ZNF875: variants seen among roughly 807,000 people sequenced by gnomAD.
ZNF875 encodes the protein HKR1, GLI-Kruppel zinc finger family member.
Under a neutral mutation model 11.2 loss-of-function variants are expected in ZNF875, and 14 were observed. That is an observed-to-expected ratio of 1.26 (90% CI 0.83 to 1.96). The LOEUF (loss-of-function observed/expected upper bound fraction) is 1.96, where lower values mean the gene tolerates loss of function less well. Ranked by LOEUF, ZNF875 falls within the 30% of genes most tolerant of loss-of-function variation. The probability of loss-of-function intolerance (pLI) is 0.00; values close to 1 mark genes in which losing one functional copy is unlikely to be tolerated. For synonymous variants in ZNF875, 301 were observed against 281.1 expected (o/e 1.07, Z -0.71); for missense variants, 752 against 760.4 (o/e 0.99, Z 0.13).
chr19:37,351,923 G>A (rs963796850), intron 4 of ZNF875, among the ~76,000 whole-genome samples: 1 of 152,158 alleles, frequency 6.6e-6, no homozygotes, highest in African/African-American at 2.4e-5. Context: ...ATGTCAGATA[G>A]GTCATATTGG....
At chr19:37,328,565 CT>C in intron 4 of ZNF875, 1 of 152,258 alleles carries the variant, frequency 6.6e-6, no homozygotes, top group Non-Finnish European at 1.5e-5. Context: ...CTCTCTTGCC[CT>C]TTTACCTTCC....
chr19:37,339,951 C>G (rs1167394649), intron 2 of ZNF875, among the ~76,000 whole-genome samples: 2 of 151,912 alleles, frequency 1.3e-5, no homozygotes, highest in African/African-American at 2.4e-5. Context: ...TTTCTTTATA[C>G]TGTGCAATTT....
chr19:37,339,365 C>T (rs986698295), intron 2 of ZNF875, among the ~76,000 whole-genome samples: 17 of 151,814 alleles, frequency 1.1e-4, no homozygotes, highest in Admixed American at 4.6e-4. Context: ...CCATTGTTTC[C>T]CAATTTTTGG....
chr19:37,332,248 G>A (rs1188270264), upstream of ZNF875, among the ~76,000 whole-genome samples: 14 of 149,036 alleles, frequency 9.4e-5, no homozygotes, highest in African/African-American at 3.0e-4. Context: ...TATGCTGAAC[G>A]CTGGTTCCCC....
At chr19:37,358,210 T>A (rs1465265331) in intron 4 of ZNF875, among the ~76,000 whole-genome samples, 1 of 145,098 alleles carries the variant, frequency 6.9e-6, no homozygotes, top group Admixed American at 7.1e-5. Context: ...AGTGGCGCGA[T>A]CTCGGCTCAC....
chr19:37,353,478 ATG>A (rs1403969838), intron 4 of ZNF875, among the ~76,000 whole-genome samples: 3 of 152,178 alleles, frequency 2.0e-5, no homozygotes, highest in African/African-American at 4.8e-5. Context: ...ATGTAGAAAT[ATG>A]TGTGTGTGCT....
chr19:37,346,002 G>A (rs1157431050), intron 2 of ZNF875, among the ~76,000 whole-genome samples: 2 of 152,182 alleles, frequency 1.3e-5, no homozygotes, highest in East Asian at 3.8e-4. Flanking sequence ...ATATTTGACT[G>A]CTAAGTGTTT....
intron 4 of ZNF875, among the ~76,000 whole-genome samples, chr19:37,355,752 CTCTG>C (rs1329245462): frequency 3.9e-5 from 6 of 152,124 alleles, no homozygotes; most frequent in Non-Finnish European, 7.4e-5. Context: ...AATAATCTTT[CTCTG>C]TCTTTTATAA....
intron 4 of ZNF875, among the ~76,000 whole-genome samples, chr19:37,361,557 C>G (rs1438231285): frequency 2.6e-5 from 4 of 152,010 alleles, no homozygotes; most frequent in African/African-American, 9.7e-5. Flanking sequence ...TTTTAGCTGG[C>G]AGGCCATACA....
Position 37,347,789 on chromosome 19 carries a change from C to T in ZNF875, c.173C>T (p.Ser58Phe). The T allele has an allele frequency of 6.2e-7, 1 of 1,612,372 alleles. No individual in the cohort carries two copies. The highest frequency in any genetic ancestry group is 2.2e-5 in the East Asian group (1 of 44,868). Reference protein sequence around the residue: ...NHLVSLEIPSSKPKLIAQLER... With the variant: ...NHLVSLEIPSFKPKLIAQLER... Reference sequence around the variant, plus strand: ...TCCCTATGAACAGAAATTCCATCTTCTAAACCAAAACTCATTGCTCAGCTG... The same window carrying T: ...TCCCTATGAACAGAAATTCCATCTTTTAAACCAAAACTCATTGCTCAGCTG... Residue 58 changes from serine to phenylalanine, a missense_variant, in exon 4 of 5, where the codon TCT (serine) becomes TTT (phenylalanine). Ser to Phe is a radical substitution (Grantham distance 155, BLOSUM62 -2). Transcript: ENST00000392153.
chr19:37,315,340 T>C (rs752133427), upstream of ZNF875: 3 of 152,230 alleles, frequency 2.0e-5, no homozygotes, highest in Admixed American at 1.3e-4. Flanking sequence ...ATCCTCCGTT[T>C]TCACCAGTTT....
At position 37,362,188 on chromosome 19, in the gene ZNF875, G is replaced by A. The variant is rs1231051101; in HGVS notation, c.336G>A (p.Trp112Ter). The A allele has an allele frequency of 2.5e-6, 4 of 1,614,122 alleles. No individual in the cohort carries two copies. The highest frequency in any genetic ancestry group is 2.5e-6 in the Non-Finnish European group (3 of 1,180,018). The change falls in exon 5 of 5, where the codon TGG becomes TGA. Residue 112 changes from tryptophan (W) to a stop codon, truncating the protein, a stop_gained. Transcript: ENST00000392153. LOFTEE classifies it low-confidence loss of function (END_TRUNC). The part of the protein sequence containing the change: ...SSQQALSQHV[W>*]LSHLSQLFSS... ...AGCAAGCTCTCAGCCAACATGTGTGGCTGAGTCATCTCTCTCAGCTGTTTT... is the reference window on the plus strand; with the variant it reads ...AGCAAGCTCTCAGCCAACATGTGTGACTGAGTCATCTCTCTCAGCTGTTTT...
At position 37,362,096 on chromosome 19, in the gene ZNF875, C is replaced by A; in HGVS notation, c.257-13C>A. On this transcript the variant is annotated splice_polypyrimidine_tract_variant and intron_variant, in intron 4 of 4. Coordinates refer to ENST00000392153, the MANE Select transcript of ZNF875 (RefSeq NM_001353803.2). Reference sequence around the variant, plus strand: ...TACCTATGGCCCCTCTGAAAATGTTCTTTCTTCAGCAGAATCGAAGCCAGA... The same window carrying A: ...TACCTATGGCCCCTCTGAAAATGTTATTTCTTCAGCAGAATCGAAGCCAGA... The A allele has an allele frequency of 6.3e-7, 1 of 1,595,264 alleles. No individual in the cohort carries two copies. Among genetic ancestry groups the A allele is most frequent in the Non-Finnish European group, 8.6e-7 (1 of 1,168,502 alleles).
chr19:37,334,855 CA>C (rs2033982677), intron 1 of ZNF875, 73 bp downstream of exon 1: 1 of 461,538 alleles, frequency 2.2e-6, no homozygotes, highest in Non-Finnish European at 4.3e-6. Flanking sequence ...CTGGGAGCCG[CA>C]GAGCTATCTC....
At position 37,363,653 on chromosome 19, in the gene ZNF875, T is replaced by C. The variant is rs779871167; in HGVS notation, c.1801T>C (p.Ser601Pro). The C allele has an allele frequency of 6.2e-7, 1 of 1,613,748 alleles. No individual in the cohort carries two copies. The highest frequency in any genetic ancestry group is 8.5e-7 in the Non-Finnish European group (1 of 1,179,742). ...RECGQGFSRQSHLIRHQRTHS... is the reference protein window; with the variant it reads ...RECGQGFSRQPHLIRHQRTHS... The stretch of plus-strand genomic sequence containing the variant: ...GTGTGGGCAAGGCTTTAGCCGGCAG[T>C]CACACCTCATTAGACACCAGAGGAC... The change falls in exon 5 of 5, where the codon TCA (serine) becomes CCA (proline). Residue 601 changes from serine to proline, a missense_variant. Coordinates refer to ENST00000392153, the MANE Select transcript of ZNF875 (RefSeq NM_001353803.2).
At chr19:37,359,970 T>C (rs1193747441) in intron 4 of ZNF875, among the ~76,000 whole-genome samples, 1 of 152,192 alleles carries the variant, frequency 6.6e-6, no homozygotes, top group African/African-American at 2.4e-5. Context: ...TGGGTTGTGC[T>C]TTTGGTGTTG....
At chr19:37,314,695 G>A (rs1001590403), upstream of ZNF875, among the ~76,000 whole-genome samples, 41 of 149,852 alleles carry the variant, frequency 2.7e-4, no homozygotes, top group African/African-American at 9.1e-4. Context: ...AGGTTGCAGC[G>A]AGCTGAGATC....
At chr19:37,346,231 T>C (rs1168519077) in intron 2 of ZNF875, 2 of 152,270 alleles carry the variant, frequency 1.3e-5, no homozygotes, top group Non-Finnish European at 2.9e-5. Context: ...TCTGAGCCCT[T>C]CACAGTAATC....
chr19:37,329,455 A>T (rs1034275630), intron 4 of ZNF875, among the ~76,000 whole-genome samples: 1 of 152,194 alleles, frequency 6.6e-6, no homozygotes. Context: ...GACTCTCTCC[A>T]TAAGTATTTG....
Sources: gnomAD v4.1 joint callset for allele counts (sites outside exome capture counted in the v4.1 genomes callset) on GRCh38, gnomAD v4.1.1 for gene constraint, MANE v1.5 for transcripts, NCBI Gene and HGNC (gene_info 2026-07-23, HGNC 2026-07-21) for gene names.